APBB2: variants seen among roughly 807,000 people sequenced by gnomAD.
The protein encoded by APBB2 is amyloid beta precursor protein binding family B member 2.
In APBB2, 38 loss-of-function variants were observed where a neutral mutation model predicts 82.5. That is an observed-to-expected ratio of 0.46 (90% CI 0.36 to 0.60). APBB2 has a LOEUF of 0.60. Ranked by LOEUF, APBB2 falls within the 20% of genes least tolerant of loss-of-function variation. The probability of loss-of-function intolerance (pLI) is 0.00; values close to 1 mark genes in which losing one functional copy is unlikely to be tolerated. For missense variants in APBB2, 772 were observed against 972.3 expected, an observed-to-expected ratio of 0.79 and a Z score of 2.74; for synonymous variants, 341 against 368.2, an observed-to-expected ratio of 0.93 and a Z score of 0.85.
Position 40,814,236 on chromosome 4 carries a change from TTAGA to T in APBB2, c.*1852_*1855del, listed in dbSNP as rs1745053583. 6.6e-6 allele frequency: 1 copy of T among 152,234 alleles called. No homozygotes were observed. The highest frequency in any genetic ancestry group is 2.4e-5 in the African/African-American group (1 of 41,450). The allele number at this position is 152,234 out of a possible 1,614,324, so 9.4% of individuals were successfully genotyped here. A position where few individuals can be genotyped will look rare whatever the true frequency, so the allele number is the denominator to read the frequency against. ...ACGCTGTAGGAAAACAGTCCTGGAC[TTAGA>T]TAGGGCACCATCATGAATACCACTG... is the stretch of plus-strand genomic sequence containing the variant. On this transcript the variant is annotated 3_prime_UTR_variant, in exon 18 of 18. Transcript: ENST00000508593.
intron 6 of APBB2, among the ~76,000 whole-genome samples, chr4:40,969,972 TAGTC>T (rs1795563103): frequency 1.3e-5 from 2 of 152,224 alleles, no homozygotes; most frequent in Admixed American, 1.3e-4. Flanking sequence ...GCCCTGTAAT[TAGTC>T]AGGGATTTTT....
intron 7 of APBB2, 70 bp downstream of exon 7, chr4:40,944,795 C>T (rs774986431): frequency 4.0e-6 from 6 of 1,498,800 alleles, no homozygotes; most frequent in Admixed American, 1.7e-5. Context: ...GGGGCAGAAG[C>T]AACCAGTGTA....
chr4:41,195,643 T>C, intron 1 of APBB2, among the ~76,000 whole-genome samples: 1 of 152,204 alleles, frequency 6.6e-6, no homozygotes, highest in Admixed American at 6.5e-5. Context: ...CACATCTTCG[T>C]TGGCAGCAAA....
intron 6 of APBB2, among the ~76,000 whole-genome samples, chr4:41,006,021 G>T (rs1223169828): frequency 6.6e-6 from 1 of 152,176 alleles, no homozygotes; most frequent in Non-Finnish European, 1.5e-5. Context: ...GACTCTGGCT[G>T]CCACTCATCT....
intron 12 of APBB2, among the ~76,000 whole-genome samples, chr4:40,846,689 C>CCA (rs1289846695): frequency 1.3e-5 from 2 of 152,232 alleles, no homozygotes; most frequent in South Asian, 4.2e-4. Context: ...ACTTCCAGCA[C>CCA]TTAGAAGTGT....
At position 41,053,381 on chromosome 4, in the gene APBB2, TA is replaced by T. The variant is rs879351420; in HGVS notation, c.-51+12194del. Among the ~76,000 whole-genome samples, 1,035 of 142,838 alleles carry T rather than the reference TA, an allele frequency of 7.2e-3. 5 individuals carry two copies. Among genetic ancestry groups the T allele is most frequent in the Non-Finnish European group, 7.0e-3 (453 of 64,862 alleles). 93.7% of individuals were successfully genotyped at this position (142,838 alleles called of 152,430 possible). A position where few individuals can be genotyped will look rare whatever the true frequency, so the allele number is the denominator to read the frequency against. On this transcript the variant is annotated intron_variant, in intron 4 of 17. Transcript: ENST00000508593. ...GTGTTATACCCAAATCCAAGGCAGT[TA>T]AAAAAAAAAAAAGTTAAATTATTTC... is the stretch of plus-strand genomic sequence containing the variant.
chr4:41,042,277 C>A (rs1387690101), intron 4 of APBB2, among the ~76,000 whole-genome samples: 2 of 152,326 alleles, frequency 1.3e-5, no homozygotes, highest in African/African-American at 4.8e-5. Context: ...GCGTGAGCCA[C>A]CGTGCCCGGC....
At chr4:41,096,760 G>A (rs945889179) in intron 3 of APBB2, among the ~76,000 whole-genome samples, 11 of 152,062 alleles carry the variant, frequency 7.2e-5, no homozygotes, top group African/African-American at 2.4e-4. Flanking sequence ...TATCATTATC[G>A]AATTGTAGTC....
chr4:40,904,452 T>TAAAA (rs1776152276), intron 10 of APBB2, among the ~76,000 whole-genome samples: 1 of 150,136 alleles, frequency 6.7e-6, no homozygotes, highest in Non-Finnish European at 1.5e-5. Flanking sequence ...AATAAATAAA[T>TAAAA]AAATAAATAA....
intron 12 of APBB2, among the ~76,000 whole-genome samples, chr4:40,886,251 T>C (rs1411244623): frequency 1.3e-5 from 2 of 152,128 alleles, no homozygotes; most frequent in African/African-American, 4.8e-5. Context: ...GGCCGAGGCA[T>C]GTAGAGCACC....
intron 3 of APBB2, among the ~76,000 whole-genome samples, chr4:41,078,419 C>T (rs1736395841): frequency 6.6e-6 from 1 of 152,112 alleles, no homozygotes; most frequent in Non-Finnish European, 1.5e-5. Context: ...ATCAATGAAA[C>T]ATATAAACCA....
intron 12 of APBB2, chr4:40,842,649 T>C (rs955957173): frequency 2.5e-5 from 5 of 203,404 alleles, no homozygotes; most frequent in African/African-American, 1.1e-4. Context: ...TAATCAAGCT[T>C]AAAATATCAC....
chr4:40,957,918 G>A (rs1404278298), intron 6 of APBB2, among the ~76,000 whole-genome samples: 1 of 152,132 alleles, frequency 6.6e-6, no homozygotes, highest in African/African-American at 2.4e-5. Flanking sequence ...ATGCAGATAG[G>A]ATATGATCAG....
chr4:40,994,023 C>G (rs1433225516), intron 6 of APBB2, among the ~76,000 whole-genome samples: 3 of 152,124 alleles, frequency 2.0e-5, no homozygotes, highest in Admixed American at 6.5e-5. Context: ...GGCGCGGTAG[C>G]TCACACCTGT....
intron 5 of APBB2, among the ~76,000 whole-genome samples, chr4:41,032,827 C>G (rs906928127): frequency 7.7e-6 from 1 of 129,716 alleles, no homozygotes; most frequent in African/African-American, 2.7e-5. Context: ...CTCTGTCGCC[C>G]AGGCTGGAGT....
At chr4:40,943,694 T>G (rs1168593652) in intron 7 of APBB2, among the ~76,000 whole-genome samples, 1 of 152,206 alleles carries the variant, frequency 6.6e-6, no homozygotes, top group South Asian at 2.1e-4. Context: ...CAATAAAAAG[T>G]TGTTAAAACT....
At position 40,815,583 on chromosome 4, in the gene APBB2, T is replaced by C. The variant is rs1190495753; in HGVS notation, c.*509A>G. The C allele has an allele frequency of 6.5e-6, 1 of 153,564 alleles. No individual in the cohort carries two copies. The highest frequency in any genetic ancestry group is 2.0e-4 in the South Asian group (1 of 4,882). 9.5% of individuals were successfully genotyped at this position (153,564 alleles called of 1,614,324 possible). ...TTTTGTCAACCAACAGGTTCAATTT[T>C]ATGAAAAATTAAAACACAAACTCGC... On this transcript the variant is annotated 3_prime_UTR_variant, in exon 18 of 18. Transcript: ENST00000508593.
rs367742978 is a variant in APBB2, at chr4:40,830,643, T to G, written c.1530-66A>C. On this transcript the variant is annotated intron_variant, in intron 12 of 17. Transcript: ENST00000508593. ...TGATTACCAACACATACTTTAGTTA[T>G]GAAGTTAACTGAGCTAGCAGCCAGC... 5.4e-6 allele frequency: 5 copies of G among 924,286 alleles called. No homozygotes were observed. In the East Asian group the frequency reaches 1.2e-4, roughly 23 times the overall value. The allele number at this position is 924,286 out of a possible 1,614,324, so 57.3% of individuals were successfully genotyped here.
chr4:41,042,131 C>T (rs1332409403), intron 4 of APBB2, among the ~76,000 whole-genome samples: 1 of 152,220 alleles, frequency 6.6e-6, no homozygotes, highest in East Asian at 1.9e-4. Context: ...GCTGGGACTA[C>T]AGGTGCGCAC....
Sources: gnomAD v4.1 joint callset for allele counts (sites outside exome capture counted in the v4.1 genomes callset) on GRCh38, gnomAD v4.1.1 for gene constraint, MANE v1.5 for transcripts, NCBI Gene and HGNC (gene_info 2026-07-23, HGNC 2026-07-21) for gene names.